The following STPG1 variants were observed in gnomAD, a reference collection of about 807,000 sequenced individuals.
STPG1 encodes the protein O(6)-methylguanine-induced apoptosis 2.
STPG1 carries 33 observed loss-of-function variants against 40.1 expected under a neutral mutation model. The ratio of observed to expected loss-of-function variants is 0.82; its 90% CI spans 0.62 to 1.10. STPG1 has a LOEUF of 1.10. STPG1 is among the 50% of genes least tolerant of loss of function. The pLI, the probability that STPG1 is intolerant of heterozygous loss-of-function variation, is 0.00. For missense variants in STPG1, 396 were observed against 415.1 expected, an observed-to-expected ratio of 0.95 and a Z score of 0.40; for synonymous variants, 150 against 155.0, an observed-to-expected ratio of 0.97 and a Z score of 0.24.
At chr1:24,367,914 G>A (rs941994791) in intron 7 of STPG1, among the ~76,000 whole-genome samples, 1 of 152,196 alleles carries the variant, frequency 6.6e-6, no homozygotes, top group Non-Finnish European at 1.5e-5. Flanking sequence ...GAGGCTCAGA[G>A]AGGAGAAGTC....
chr1:24,369,461 C>T (rs1641628618), intron 7 of STPG1: 2 of 688,794 alleles, frequency 2.9e-6, no homozygotes, highest in East Asian at 2.8e-5. Context: ...TAATTGAATA[C>T]AATTTTAAGT....
At chr1:24,396,929 T>C (rs1310873368) in intron 2 of STPG1, among the ~76,000 whole-genome samples, 1 of 152,188 alleles carries the variant, frequency 6.6e-6, no homozygotes, top group East Asian at 1.9e-4. Context: ...AACTATATGT[T>C]ACCTTGGAGA....
chr1:24,374,648 T>C (rs1161694404), intron 5 of STPG1, among the ~76,000 whole-genome samples: 1 of 148,704 alleles, frequency 6.7e-6, no homozygotes, highest in African/African-American at 2.5e-5. Flanking sequence ...TTTTGGAGAC[T>C]GAGTCTCACT....
chr1:24,366,494 C>T (rs1641475157), intron 7 of STPG1, among the ~76,000 whole-genome samples: 1 of 152,202 alleles, frequency 6.6e-6, no homozygotes, highest in African/African-American at 2.4e-5. Context: ...CTTCATCATT[C>T]ATCGGGAACA....
intron 4 of STPG1, among the ~76,000 whole-genome samples, chr1:24,382,668 G>A (rs1179307523): frequency 1.3e-5 from 2 of 152,106 alleles, no homozygotes; most frequent in Non-Finnish European, 1.5e-5. Flanking sequence ...CAGCTTCTTC[G>A]GTAATGGGGA....
intron 5 of STPG1, among the ~76,000 whole-genome samples, chr1:24,378,979 G>A (rs1030665390): frequency 3.9e-4 from 59 of 152,178 alleles, no homozygotes; most frequent in African/African-American, 1.4e-3. Flanking sequence ...TGTGGTCCTT[G>A]TGTGACTGGT....
intron 5 of STPG1, among the ~76,000 whole-genome samples, chr1:24,375,024 G>A (rs1429186833): frequency 6.6e-6 from 1 of 152,144 alleles, no homozygotes; most frequent in Middle Eastern, 3.2e-3. Flanking sequence ...TTCTATAAAT[G>A]CAGCATTTGG....
intron 4 of STPG1, among the ~76,000 whole-genome samples, chr1:24,382,680 T>A (rs1161200267): frequency 6.6e-6 from 1 of 152,034 alleles, no homozygotes; most frequent in African/African-American, 2.4e-5. Context: ...TAATGGGGAG[T>A]TAACTCCAAA....
chr1:24,366,894 T>G (rs1410873502), intron 7 of STPG1, among the ~76,000 whole-genome samples: 1 of 152,216 alleles, frequency 6.6e-6, no homozygotes, highest in Non-Finnish European at 1.5e-5. Flanking sequence ...GTTCCTTTAC[T>G]GCAGGCCTTC....
chr1:24,361,246 A>T (rs984515504), intron 7 of STPG1, among the ~76,000 whole-genome samples: 1 of 152,142 alleles, frequency 6.6e-6, no homozygotes, highest in African/African-American at 2.4e-5. Flanking sequence ...TCATGATGGG[A>T]CCTACTTTGA....
At chr1:24,370,499 ATT>A (rs201045265) in intron 6 of STPG1, among the ~76,000 whole-genome samples, 1 of 148,862 alleles carries the variant, frequency 6.7e-6, no homozygotes, top group Non-Finnish European at 1.5e-5. Context: ...TAAAAAAAAA[ATT>A]TTTTTTTTGA....
At chr1:24,407,915 G>A (rs1643475767) in intron 1 of STPG1, among the ~76,000 whole-genome samples, 1 of 152,092 alleles carries the variant, frequency 6.6e-6, no homozygotes, top group Non-Finnish European at 1.5e-5. Context: ...AAGATTCATA[G>A]TAGCTGCTTT....
intron 7 of STPG1, among the ~76,000 whole-genome samples, chr1:24,363,706 G>T (rs1438713749): frequency 2.6e-5 from 4 of 152,200 alleles, no homozygotes; most frequent in African/African-American, 9.7e-5. Context: ...AAAGCAGAGA[G>T]AAAGAGACAG....
intron 7 of STPG1, among the ~76,000 whole-genome samples, chr1:24,361,587 C>A (rs1234916137): frequency 6.6e-6 from 1 of 152,144 alleles, no homozygotes; most frequent in African/African-American, 2.4e-5. Flanking sequence ...GCCACTGTAA[C>A]ATTGACATTC....
chr1:24,358,839 T>C (rs1006935288), intron 8 of STPG1, among the ~76,000 whole-genome samples: 5 of 152,196 alleles, frequency 3.3e-5, no homozygotes, highest in African/African-American at 1.2e-4. Context: ...TTTAATTCTT[T>C]TCAACTTCTT....
intron 1 of STPG1, 100 bp downstream of exon 1, chr1:24,413,574 C>CT (rs1553128660): frequency 1.3e-5 from 2 of 152,310 alleles, no homozygotes; most frequent in Non-Finnish European, 2.9e-5. Context: ...ACCCGGAGGC[C>CT]GGGGGGTCTC....
At chr1:24,369,651 A>C (rs531301743) in intron 7 of STPG1, 23 bp downstream of exon 7, 1 of 1,562,378 alleles carries the variant, frequency 6.4e-7, no homozygotes, top group Non-Finnish European at 8.7e-7. Context: ...TTCAAAAGAA[A>C]GACCAGAATG....
At chr1:24,366,709 T>C (rs771500290) in intron 7 of STPG1, among the ~76,000 whole-genome samples, 3 of 152,188 alleles carry the variant, frequency 2.0e-5, no homozygotes, top group Non-Finnish European at 4.4e-5. Flanking sequence ...CCTGGGATTC[T>C]GATGTGTCAG....
At chr1:24,364,509 G>C in intron 7 of STPG1, 1 of 1,346,492 alleles carries the variant, frequency 7.4e-7, no homozygotes, top group East Asian at 2.9e-5. Context: ...GCTTTTACTT[G>C]CCTAGCTCTT....
Sources: allele counts gnomAD v4.1 joint callset (sites outside exome capture counted in the v4.1 genomes callset), GRCh38; gene constraint gnomAD v4.1.1; transcripts MANE v1.5; gene names NCBI Gene and HGNC (gene_info 2026-07-23, HGNC 2026-07-21).